The following SLC4A4 variants were observed in gnomAD, a reference collection of about 807,000 sequenced individuals.
SLC4A4 encodes electrogenic sodium bicarbonate cotransporter 1.
A neutral mutation model predicts 111.5 loss-of-function variants in SLC4A4; 27 were observed. That is an observed-to-expected ratio of 0.24 (90% CI 0.18 to 0.33). The LOEUF is 0.33. Ranked by LOEUF, SLC4A4 falls within the 10% of genes least tolerant of loss-of-function variation. SLC4A4 has a pLI of 1.00. For missense variants in SLC4A4, 909 were observed against 1,315.5 expected (o/e 0.69, Z 4.78); for synonymous variants, 443 against 463.4 (o/e 0.96, Z 0.57).
chr4:71,064,794 C>A (rs985421477), intron 1 of SLC4A4, among the ~76,000 whole-genome samples: 2 of 152,126 alleles, frequency 1.3e-5, no homozygotes, highest in African/African-American at 4.8e-5. Flanking sequence ...ATCTGATAGA[C>A]CTAGGTTAAA....
intron 2 of SLC4A4, among the ~76,000 whole-genome samples, chr4:71,120,424 C>G (rs1190394445): frequency 6.6e-6 from 1 of 152,116 alleles, no homozygotes; most frequent in Non-Finnish European, 1.5e-5. Flanking sequence ...AGTGTGTGGG[C>G]CTTGCGCTTT....
chr4:71,067,371 A>T (rs1053954598), intron 1 of SLC4A4, among the ~76,000 whole-genome samples: 2 of 152,260 alleles, frequency 1.3e-5, no homozygotes, highest in South Asian at 2.1e-4. Context: ...TTAGATTTAA[A>T]TGCAAGACTT....
At chr4:71,204,908 CA>C (rs966055870) in intron 1 of SLC4A4, among the ~76,000 whole-genome samples, 1 of 152,038 alleles carries the variant, frequency 6.6e-6, no homozygotes, top group African/African-American at 2.4e-5. Context: ...CTAATGTAGA[CA>C]AAATAAATAT....
intron 3 of SLC4A4, among the ~76,000 whole-genome samples, chr4:71,263,140 TC>T (rs776944924): frequency 4.0e-5 from 6 of 151,840 alleles, no homozygotes; most frequent in Non-Finnish European, 5.9e-5. Flanking sequence ...CTATTGCTCA[TC>T]ATTACTTAAA....
intron 1 of SLC4A4, among the ~76,000 whole-genome samples, chr4:71,193,044 T>C (rs558583464): frequency 6.6e-6 from 1 of 152,356 alleles, no homozygotes; most frequent in South Asian, 2.1e-4. Flanking sequence ...TGCTACATAG[T>C]GTTCCACTTT....
intron 2 of SLC4A4, among the ~76,000 whole-genome samples, chr4:71,108,025 ATTAAC>A (rs1022726509): frequency 6.6e-6 from 1 of 152,144 alleles, no homozygotes; most frequent in African/African-American, 2.4e-5. Context: ...TTTATACCAT[ATTAAC>A]TTCAATAACA....
At chr4:71,278,147 T>C (rs554393188) in intron 3 of SLC4A4, among the ~76,000 whole-genome samples, 13 of 152,246 alleles carry the variant, frequency 8.5e-5, no homozygotes, top group Admixed American at 6.5e-5. Context: ...TCCGTTTCTA[T>C]GGGTTTGACT....
chr4:71,476,017 A>T (rs948253957), intron 14 of SLC4A4, among the ~76,000 whole-genome samples: 1 of 151,814 alleles, frequency 6.6e-6, no homozygotes, highest in East Asian at 1.9e-4. Context: ...TCTTATTGGT[A>T]CTCATGAAAG....
chr4:71,160,743 G>C (rs141120982), intron 2 of SLC4A4, among the ~76,000 whole-genome samples: 2 of 152,026 alleles, frequency 1.3e-5, no homozygotes, highest in Non-Finnish European at 2.9e-5. Flanking sequence ...AAGAGGATTT[G>C]ACTAAAAATA....
At chr4:71,557,915 T>G (rs2149250034) in intron 22 of SLC4A4, 30 bp downstream of exon 22, 1 of 1,520,322 alleles carries the variant, frequency 6.6e-7, no homozygotes. Context: ...AACGTACCTG[T>G]GAGATTATAT....
chr4:71,547,050 C>T (rs1415356890), intron 19 of SLC4A4, among the ~76,000 whole-genome samples: 1 of 151,922 alleles, frequency 6.6e-6, no homozygotes, highest in African/African-American at 2.4e-5. Context: ...CTCATAAGTG[C>T]TTGGGTAGAG....
chr4:71,066,526 A>G (rs1741520806), intron 1 of SLC4A4, among the ~76,000 whole-genome samples: 1 of 152,220 alleles, frequency 6.6e-6, no homozygotes, highest in African/African-American at 2.4e-5. Flanking sequence ...TTTAGAAAAT[A>G]AGAAGTTTTT....
chr4:71,178,706 C>A (rs559712363), intron 2 of SLC4A4, among the ~76,000 whole-genome samples: 2 of 152,172 alleles, frequency 1.3e-5, no homozygotes, highest in African/African-American at 2.4e-5. Flanking sequence ...AATTGAGGCA[C>A]TAATTAATAG....
At chr4:71,409,251 G>A (rs924076907) in intron 7 of SLC4A4, among the ~76,000 whole-genome samples, 9 of 152,218 alleles carry the variant, frequency 5.9e-5, no homozygotes, top group African/African-American at 2.2e-4. Flanking sequence ...AACAGGCAGA[G>A]GCTGGAACAG....
At chr4:71,067,590 G>C (rs879654464) in intron 1 of SLC4A4, among the ~76,000 whole-genome samples, 2 of 152,110 alleles carry the variant, frequency 1.3e-5, no homozygotes, top group African/African-American at 2.4e-5. Flanking sequence ...TGTACTATCT[G>C]CCATTGGAAT....
intron 1 of SLC4A4, among the ~76,000 whole-genome samples, chr4:71,087,724 T>C (rs991654527): frequency 6.6e-6 from 1 of 151,714 alleles, no homozygotes; most frequent in Non-Finnish European, 1.5e-5. Flanking sequence ...TTTGAGCAAG[T>C]TTCTTAATCC....
intron 14 of SLC4A4, among the ~76,000 whole-genome samples, chr4:71,478,690 A>C (rs1728596391): frequency 6.6e-6 from 1 of 151,752 alleles, no homozygotes; most frequent in African/African-American, 2.4e-5. Context: ...ACCATGGCAC[A>C]TGTATACCTG....
At chr4:71,113,402 G>T (rs1743149799) in intron 2 of SLC4A4, among the ~76,000 whole-genome samples, 1 of 152,180 alleles carries the variant, frequency 6.6e-6, no homozygotes, top group Non-Finnish European at 1.5e-5. Flanking sequence ...TGTCACTTAT[G>T]GTATAGCAGA....
chr4:71,135,083 A>C (rs11729471), intron 2 of SLC4A4, among the ~76,000 whole-genome samples: 2 of 151,946 alleles, frequency 1.3e-5, no homozygotes, highest in East Asian at 1.9e-4. Context: ...GTTCTTTAGC[A>C]TAAGTTCCAT....
Sources: gnomAD v4.1 joint callset for allele counts (sites outside exome capture counted in the v4.1 genomes callset) on GRCh38, gnomAD v4.1.1 for gene constraint, MANE v1.5 for transcripts, NCBI Gene and HGNC (gene_info 2026-07-23, HGNC 2026-07-21) for gene names.